ADAMTSL1: variants seen among roughly 807,000 people sequenced by gnomAD.
ADAMTSL1 encodes ADAMTS like 1.
Under a neutral mutation model 201.8 loss-of-function variants are expected in ADAMTSL1, and 126 were observed. That is an observed-to-expected ratio of 0.62 (90% CI 0.54 to 0.72). ADAMTSL1 has a LOEUF of 0.72. ADAMTSL1 is among the 30% of genes least tolerant of loss of function. ADAMTSL1 has a pLI of 0.00. For synonymous variants in ADAMTSL1, 1,121 were observed against 903.4 expected, an observed-to-expected ratio of 1.24 and a Z score of -4.32; for missense variants, 2,679 against 2,277.8, an observed-to-expected ratio of 1.18 and a Z score of -3.59.
intron 1 of ADAMTSL1, among the ~76,000 whole-genome samples, chr9:18,098,238 G>GT (rs1824340456): frequency 6.6e-6 from 1 of 151,936 alleles, no homozygotes; most frequent in South Asian, 2.1e-4. Flanking sequence ...AAAACCAGTA[G>GT]TTTAACTTAT....
chr9:18,185,870 CA>C (rs1293716267), intron 2 of ADAMTSL1, among the ~76,000 whole-genome samples: 1 of 151,806 alleles, frequency 6.6e-6, no homozygotes, highest in Non-Finnish European at 1.5e-5. Context: ...AAAAAAGTTT[CA>C]CAATTATTGA....
intron 2 of ADAMTSL1, among the ~76,000 whole-genome samples, chr9:18,270,381 T>C (rs779685011): frequency 1.3e-5 from 2 of 152,076 alleles, no homozygotes; most frequent in African/African-American, 4.8e-5. Flanking sequence ...GTTCAGACCA[T>C]AGGAGACTTC....
At chr9:18,378,440 TTTGC>T (rs1288010048) in intron 2 of ADAMTSL1, among the ~76,000 whole-genome samples, 4 of 152,186 alleles carry the variant, frequency 2.6e-5, no homozygotes, top group African/African-American at 9.7e-5. Flanking sequence ...TCTTTTTAAT[TTTGC>T]TTACTTGTTT....
intron 2 of ADAMTSL1, among the ~76,000 whole-genome samples, chr9:18,507,133 A>G (rs141877315): frequency 4.7e-4 from 71 of 152,344 alleles, no homozygotes; most frequent in African/African-American, 1.6e-3. Flanking sequence ...TCATTCTTCA[A>G]TAGGATTTGT....
At chr9:18,659,917 T>TTC (rs78069261) in intron 8 of ADAMTSL1, among the ~76,000 whole-genome samples, 11,866 of 110,088 alleles carry the variant, frequency 0.11, 549 homozygotes, top group Middle Eastern at 0.19. Flanking sequence ...GTTTGTTTTT[T>TTC]TTAAAAAAAA....
At chr9:18,852,206 G>A (rs1826540445) in intron 23 of ADAMTSL1, among the ~76,000 whole-genome samples, 1 of 152,156 alleles carries the variant, frequency 6.6e-6, no homozygotes, top group Admixed American at 6.5e-5. Flanking sequence ...TCTGCCACTT[G>A]CTAATAATTG....
chr9:18,718,281 G>T, intron 14 of ADAMTSL1: 1 of 758,384 alleles, frequency 1.3e-6, no homozygotes, highest in East Asian at 2.5e-5. Context: ...TGCTTTGATG[G>T]AATAAACTAA....
At chr9:17,981,507 A>T (rs1818693942) in intron 1 of ADAMTSL1, among the ~76,000 whole-genome samples, 1 of 152,164 alleles carries the variant, frequency 6.6e-6, no homozygotes, top group African/African-American at 2.4e-5. Flanking sequence ...TGTGTGTCTT[A>T]TTAATTTTGA....
intron 1 of ADAMTSL1, among the ~76,000 whole-genome samples, chr9:18,098,145 G>T (rs1824337060): frequency 6.6e-6 from 1 of 151,472 alleles, no homozygotes; most frequent in Non-Finnish European, 1.5e-5. Flanking sequence ...GGTATTTTTT[G>T]GAATTTATTT....
At chr9:18,073,175 C>T (rs918426506) in intron 1 of ADAMTSL1, among the ~76,000 whole-genome samples, 1 of 152,082 alleles carries the variant, frequency 6.6e-6, no homozygotes. Context: ...ACTTGTAATT[C>T]CTGGATTAAA....
chr9:18,564,397 A>T (rs1224498387), intron 3 of ADAMTSL1, among the ~76,000 whole-genome samples: 1 of 152,106 alleles, frequency 6.6e-6, no homozygotes, highest in Non-Finnish European at 1.5e-5. Context: ...GAAATGCCGA[A>T]ATCACCTGGC....
chr9:18,564,581 A>G (rs1379632923), intron 3 of ADAMTSL1, among the ~76,000 whole-genome samples: 1 of 152,192 alleles, frequency 6.6e-6, no homozygotes, highest in Non-Finnish European at 1.5e-5. Flanking sequence ...AGTCCTTTTC[A>G]CAACCTGACT....
intron 4 of ADAMTSL1, among the ~76,000 whole-genome samples, chr9:18,579,749 C>A (rs1441293957): frequency 6.6e-6 from 1 of 152,140 alleles, no homozygotes; most frequent in East Asian, 1.9e-4. Flanking sequence ...AACTCCTGAT[C>A]CAGGGCAGTG....
At chr9:18,671,374 C>T (rs1382378592) in intron 9 of ADAMTSL1, among the ~76,000 whole-genome samples, 5 of 152,180 alleles carry the variant, frequency 3.3e-5, no homozygotes, top group African/African-American at 1.2e-4. Flanking sequence ...GGTGCTTTGG[C>T]AGCAGAGTAG....
At chr9:18,272,809 C>T (rs117106829) in intron 2 of ADAMTSL1, among the ~76,000 whole-genome samples, 1,928 of 152,254 alleles carry the variant, frequency 0.013, 19 homozygotes, top group Non-Finnish European at 0.022. Context: ...CCATCTCCTC[C>T]GTGAAGCCTT....
chr9:18,714,066 A>T (rs1268058608), intron 14 of ADAMTSL1, among the ~76,000 whole-genome samples: 2 of 152,154 alleles, frequency 1.3e-5, no homozygotes, highest in African/African-American at 4.8e-5. Flanking sequence ...ACAAAGACAC[A>T]ACATACCAGA....
chr9:18,109,560 G>C (rs12344411), intron 1 of ADAMTSL1, among the ~76,000 whole-genome samples: 16,021 of 152,150 alleles, frequency 0.11, 1,221 homozygotes, highest in African/African-American at 0.22. Flanking sequence ...GTGGTCTTTT[G>C]ACCATTTCTT....
intron 23 of ADAMTSL1, among the ~76,000 whole-genome samples, chr9:18,870,416 C>A (rs1449641445): frequency 2.6e-5 from 4 of 152,186 alleles, no homozygotes; most frequent in Admixed American, 6.5e-5. Context: ...ATCTTCCCTG[C>A]AGTGGGCAGC....
At chr9:18,475,211 C>G (rs1002776624) in intron 1 of ADAMTSL1, among the ~76,000 whole-genome samples, 2 of 152,162 alleles carry the variant, frequency 1.3e-5, no homozygotes, top group African/African-American at 4.8e-5. Flanking sequence ...TTTCCTGTCA[C>G]ATTTATAACA....
Sources: gnomAD v4.1 joint callset for allele counts (sites outside exome capture counted in the v4.1 genomes callset) on GRCh38, gnomAD v4.1.1 for gene constraint, MANE v1.5 for transcripts, NCBI Gene and HGNC (gene_info 2026-07-23, HGNC 2026-07-21) for gene names.